DGLUCY: variants seen among roughly 807,000 people sequenced by gnomAD.
DGLUCY encodes D-glutamate cyclase.
Under a neutral mutation model 58.5 loss-of-function variants are expected in DGLUCY, and 58 were observed. The observed-to-expected ratio is 0.99, with a 90% CI of 0.80 to 1.23. The LOEUF is 1.23. Ranked by LOEUF, DGLUCY falls within the 50% of genes most tolerant of loss-of-function variation. DGLUCY has a pLI of 0.00. For missense variants in DGLUCY, 779 were observed against 784.7 expected, an observed-to-expected ratio of 0.99 and a Z score of 0.09; for synonymous variants, 325 against 314.1, an observed-to-expected ratio of 1.03 and a Z score of -0.37.
At chr14:91,193,224 G>A (rs1421921606) in intron 9 of DGLUCY, among the ~76,000 whole-genome samples, 1 of 152,202 alleles carries the variant, frequency 6.6e-6, no homozygotes, top group Non-Finnish European at 1.5e-5. Context: ...GCCTCGGGAG[G>A]AAGGGCTGCC....
At chr14:91,108,526 T>TGAGAGAGAGAGAGAGA (rs1194090963) in intron 1 of DGLUCY, among the ~76,000 whole-genome samples, 63 of 52,168 alleles carry the variant, frequency 1.2e-3, no homozygotes, top group Non-Finnish European at 1.8e-3. Context: ...TGTGTGTGTG[T>TGAGAGAGAGAGAGAGA]GAGAGAGAGA....
intron 12 of DGLUCY, among the ~76,000 whole-genome samples, chr14:91,212,023 G>A (rs960760520): frequency 2.0e-5 from 3 of 152,066 alleles, no homozygotes; most frequent in Admixed American, 6.6e-5. Flanking sequence ...CACTGGTCTC[G>A]AACTCCTGAC....
chr14:91,166,000 C>T (rs2048262615), intron 3 of DGLUCY, among the ~76,000 whole-genome samples: 1 of 152,132 alleles, frequency 6.6e-6, no homozygotes, highest in Non-Finnish European at 1.5e-5. Flanking sequence ...TACTAGGCAG[C>T]AGTGAGAATG....
chr14:91,101,531 C>T (rs1157707256), intron 1 of DGLUCY, among the ~76,000 whole-genome samples: 1 of 152,230 alleles, frequency 6.6e-6, no homozygotes, highest in Non-Finnish European at 1.5e-5. Flanking sequence ...GACATTTCCA[C>T]CAGGACGTTG....
At chr14:91,196,075 G>A (rs773860302) in intron 9 of DGLUCY, among the ~76,000 whole-genome samples, 3 of 152,190 alleles carry the variant, frequency 2.0e-5, no homozygotes, top group African/African-American at 4.8e-5. Context: ...CGTGATGGCA[G>A]TGGGCCAGAA....
At chr14:91,176,190 A>G (rs1207483728) in intron 7 of DGLUCY, 134 bp downstream of exon 7, 63 of 1,066,558 alleles carry the variant, frequency 5.9e-5, no homozygotes, top group Non-Finnish European at 7.7e-5. Context: ...ACAGAGGCCT[A>G]CAGCTACAGT....
intron 1 of DGLUCY, among the ~76,000 whole-genome samples, chr14:91,157,234 G>A (rs543162791): frequency 1.8e-3 from 164 of 93,324 alleles, no homozygotes; most frequent in African/African-American, 6.9e-3. Flanking sequence ...TGGATGGGTG[G>A]ATGGATGGAT....
chr14:91,202,209 A>G (rs1362371507), intron 11 of DGLUCY, among the ~76,000 whole-genome samples: 1 of 152,134 alleles, frequency 6.6e-6, no homozygotes, highest in Non-Finnish European at 1.5e-5. Flanking sequence ...GTTTTCCCAG[A>G]TGGCGCAGCT....
At chr14:91,164,263 T>C (rs2048154422) in intron 3 of DGLUCY, among the ~76,000 whole-genome samples, 1 of 152,130 alleles carries the variant, frequency 6.6e-6, no homozygotes, top group Admixed American at 6.5e-5. Flanking sequence ...TAGAACATAA[T>C]TATGTTTTTC....
At chr14:91,061,101 T>C (rs1033207756) in intron 1 of DGLUCY, among the ~76,000 whole-genome samples, 4 of 151,998 alleles carry the variant, frequency 2.6e-5, no homozygotes, top group African/African-American at 9.7e-5. Context: ...CCAATCACCG[T>C]GGACAGAGGA....
At chr14:91,209,301 A>C (rs1885282930) in intron 12 of DGLUCY, among the ~76,000 whole-genome samples, 1 of 152,154 alleles carries the variant, frequency 6.6e-6, no homozygotes, top group East Asian at 1.9e-4. Context: ...AGAACAAAAC[A>C]AAAAAATGGA....
intron 1 of DGLUCY, among the ~76,000 whole-genome samples, chr14:91,133,793 A>C (rs1243825172): frequency 6.6e-6 from 1 of 152,102 alleles, no homozygotes; most frequent in Non-Finnish European, 1.5e-5. Context: ...CCGTGTCCTC[A>C]CCGATACTTC....
intron 1 of DGLUCY, among the ~76,000 whole-genome samples, chr14:91,152,265 T>TG: frequency 6.6e-6 from 1 of 152,206 alleles, no homozygotes; most frequent in South Asian, 2.1e-4. Flanking sequence ...CAGTGGTGCA[T>TG]GCCTGTGGTG....
intron 1 of DGLUCY, among the ~76,000 whole-genome samples, chr14:91,122,766 G>A (rs1454460284): frequency 6.6e-6 from 1 of 151,780 alleles, no homozygotes; most frequent in African/African-American, 2.4e-5. Flanking sequence ...CTGCCACCAT[G>A]TCTGGCTAAT....
intron 1 of DGLUCY, among the ~76,000 whole-genome samples, chr14:91,138,512 A>G (rs546122598): frequency 3.9e-5 from 6 of 152,210 alleles, no homozygotes. Flanking sequence ...AAAGAAAAAA[A>G]GAAATATTCG....
intron 13 of DGLUCY, among the ~76,000 whole-genome samples, chr14:91,216,660 A>AAG (rs1555407577): frequency 6.6e-6 from 1 of 150,698 alleles, no homozygotes; most frequent in East Asian, 2.0e-4. Flanking sequence ...AAAAAAAAAA[A>AAG]GAATCCCTGG....
intron 3 of DGLUCY, among the ~76,000 whole-genome samples, chr14:91,161,360 G>T (rs923504761): frequency 1.3e-5 from 2 of 152,182 alleles, no homozygotes; most frequent in African/African-American, 4.8e-5. Flanking sequence ...GTGAGCCACC[G>T]CACCAGGCCC....
chr14:91,201,545 C>T (rs2050562634), intron 11 of DGLUCY, among the ~76,000 whole-genome samples: 1 of 152,086 alleles, frequency 6.6e-6, no homozygotes. Flanking sequence ...GATCCGCCTG[C>T]CTCTGCCTTC....
At chr14:91,108,732 T>A (rs1338645851) in intron 1 of DGLUCY, among the ~76,000 whole-genome samples, 1 of 152,070 alleles carries the variant, frequency 6.6e-6, no homozygotes, top group African/African-American at 2.4e-5. Context: ...GAGATGAGGT[T>A]TCACCATGTT....
Sources: gnomAD v4.1 joint callset for allele counts (sites outside exome capture counted in the v4.1 genomes callset) on GRCh38, gnomAD v4.1.1 for gene constraint, MANE v1.5 for transcripts, NCBI Gene and HGNC (gene_info 2026-07-23, HGNC 2026-07-21) for gene names.